ADARB1: variants seen among roughly 807,000 people sequenced by gnomAD.
ADARB1 encodes double-stranded RNA-specific editase 1.
In ADARB1, 10 loss-of-function variants were observed where a neutral mutation model predicts 52.4. The observed-to-expected ratio is 0.19, with a 90% CI of 0.12 to 0.32. The LOEUF is 0.32. Ranked by LOEUF, ADARB1 falls within the 10% of genes least tolerant of loss-of-function variation. ADARB1 has a pLI of 1.00. For missense variants in ADARB1, 643 were observed against 922.3 expected (o/e 0.70, Z 3.92); for synonymous variants, 349 against 371.1 (o/e 0.94, Z 0.68).
intron 8 of ADARB1, among the ~76,000 whole-genome samples, chr21:45,186,823 C>T (rs970523778): frequency 6.6e-6 from 1 of 152,180 alleles, no homozygotes; most frequent in Non-Finnish European, 1.5e-5. Context: ...GTCTTGCACT[C>T]TGTTGAAGAT....
At chr21:45,110,026 T>C (rs554227144) in intron 1 of ADARB1, among the ~76,000 whole-genome samples, 5 of 152,204 alleles carry the variant, frequency 3.3e-5, no homozygotes, top group Non-Finnish European at 7.3e-5. Flanking sequence ...CAGTCCTCGC[T>C]CTGAAAAATT....
At chr21:45,207,338 C>T (rs1229417627) in intron 9 of ADARB1, among the ~76,000 whole-genome samples, 2 of 152,154 alleles carry the variant, frequency 1.3e-5, no homozygotes, top group Non-Finnish European at 2.9e-5. Flanking sequence ...GAGAAGACAC[C>T]TTTAGACGAG....
At chr21:45,100,761 A>T (rs1013848928) in intron 1 of ADARB1, 1 of 152,528 alleles carries the variant, frequency 6.6e-6, no homozygotes, top group East Asian at 1.9e-4. Context: ...TCTGTTGCTC[A>T]ATGGGGCAGG....
chr21:45,124,164 T>G (rs988842483), intron 1 of ADARB1, among the ~76,000 whole-genome samples: 2 of 152,216 alleles, frequency 1.3e-5, no homozygotes, highest in African/African-American at 4.8e-5. Flanking sequence ...TTGGATTGAG[T>G]GTGATCACAT....
At chr21:45,162,462 C>T (rs541270860) in intron 2 of ADARB1, among the ~76,000 whole-genome samples, 21 of 152,266 alleles carry the variant, frequency 1.4e-4, no homozygotes, top group Middle Eastern at 3.4e-3. Context: ...GTGAGCCGAG[C>T]GCAGCCTGCC....
intron 1 of ADARB1, among the ~76,000 whole-genome samples, chr21:45,093,265 C>T (rs1011290311): frequency 1.3e-5 from 2 of 152,206 alleles, no homozygotes; most frequent in African/African-American, 2.4e-5. Context: ...GTTCCCAGGG[C>T]AGCCTCGGGT....
Position 45,128,342 on chromosome 21 carries a change from A to G in ADARB1, c.-219-60A>G, listed in dbSNP as rs1455791959. 6.6e-6 allele frequency: 1 copy of G among 152,272 alleles called. No homozygotes were observed. The highest frequency in any genetic ancestry group is 1.9e-4 in the East Asian group (1 of 5,204). The allele number at this position is 152,272 out of a possible 1,614,324, so 9.4% of individuals were successfully genotyped here. A position where few individuals can be genotyped will look rare whatever the true frequency, so the allele number is the denominator to read the frequency against. On this transcript the variant is annotated intron_variant, in intron 1 of 10. Coordinates refer to ENST00000348831, the MANE Select transcript of ADARB1 (RefSeq NM_001112.4). The surrounding 1 kb of genome is among the most constrained non-coding windows in gnomAD (Gnocchi z 4.6). Reference sequence around the variant, plus strand: ...TATAGAGTTCACTTCTGAAATGGTGACAAAGCTTTTGATACTGAATCAAAC... The same window carrying G: ...TATAGAGTTCACTTCTGAAATGGTGGCAAAGCTTTTGATACTGAATCAAAC...
In ADARB1 at chr21:45,225,862, G is replaced by A. The variant is rs1009845963; in HGVS notation, c.*3665G>A. ...GTTCCGTGTGTGTCCAGTTTACAGCGTCTCTGCCCCCTAGCGTGTTTTGTG... is the reference window on the plus strand; with the variant it reads ...GTTCCGTGTGTGTCCAGTTTACAGCATCTCTGCCCCCTAGCGTGTTTTGTG... On this transcript the variant is annotated 3_prime_UTR_variant, in exon 11 of 11. Transcript: ENST00000348831. 9.4e-6 allele frequency: 3 copies of A among 319,270 alleles called. No homozygotes were observed. The highest frequency in any genetic ancestry group is 4.3e-5 in the African/African-American group (2 of 46,884). 19.8% of individuals were successfully genotyped at this position (319,270 alleles called of 1,614,324 possible).
chr21:45,092,438 A>G (rs1394130850), intron 1 of ADARB1, among the ~76,000 whole-genome samples: 1 of 152,202 alleles, frequency 6.6e-6, no homozygotes, highest in Non-Finnish European at 1.5e-5. Context: ...AATATCTGTT[A>G]TCTATTTTTT....
At chr21:45,129,156 G>C (rs1440007739) in intron 2 of ADARB1, among the ~76,000 whole-genome samples, 1 of 151,976 alleles carries the variant, frequency 6.6e-6, no homozygotes, top group African/African-American at 2.4e-5. Flanking sequence ...TTGAACCCGG[G>C]AGGCAGAGGC....
Position 45,222,918 on chromosome 21 carries a change from GCCT to G in ADARB1, c.*726_*728del, listed in dbSNP as rs1317315262. On this transcript the variant is annotated 3_prime_UTR_variant, in exon 11 of 11. Coordinates refer to ENST00000348831, the MANE Select transcript of ADARB1 (RefSeq NM_001112.4). ...GTGACCCAGGCCCCTGTAGCCCTCA[GCCT>G]CCTCTAGAAGCTTCTGTACTCCTTG... 4.1e-6 allele frequency: 4 copies of G among 985,360 alleles called. No individual in the cohort carries two copies. The African/African-American group carries it at 7.0e-5, about 17-fold the overall frequency. The allele number at this position is 985,360 out of a possible 1,614,324, so 61.0% of individuals were successfully genotyped here.
In ADARB1 at chr21:45,223,020, A is replaced by G; in HGVS notation, c.*823A>G. ...CAGATAATACATGGCCAGTAATCCC[A>G]GGCTGGCCATTCATTCAGGTTTTTT... On this transcript the variant is annotated 3_prime_UTR_variant, in exon 11 of 11. Coordinates refer to ENST00000348831, the MANE Select transcript of ADARB1 (RefSeq NM_001112.4). The G allele has an allele frequency of 1.0e-6, 1 of 985,468 alleles. No individual in the cohort carries two copies. Among genetic ancestry groups the G allele is most frequent in the South Asian group, 4.7e-5 (1 of 21,292 alleles). The allele number at this position is 985,468 out of a possible 1,614,324, so 61.0% of individuals were successfully genotyped here. A position where few individuals can be genotyped will look rare whatever the true frequency, so the allele number is the denominator to read the frequency against.
chr21:45,222,641 T>C lies in ADARB1; in HGVS notation c.*444T>C. On this transcript the variant is annotated 3_prime_UTR_variant, in exon 11 of 11. Coordinates refer to ENST00000348831, the MANE Select transcript of ADARB1 (RefSeq NM_001112.4). ...TGTGTCAGGTCACTTTTATGCCACATTATTTTAATTGCAAAAAAGCATCTA... is the reference window on the plus strand; with the variant it reads ...TGTGTCAGGTCACTTTTATGCCACACTATTTTAATTGCAAAAAAGCATCTA... 3 of 991,152 alleles carry C rather than the reference T, an allele frequency of 3.0e-6. No homozygotes were observed. Among genetic ancestry groups the C allele is most frequent in the Non-Finnish European group, 3.6e-6 (3 of 833,986 alleles). 61.4% of individuals were successfully genotyped at this position (991,152 alleles called of 1,614,324 possible). A position where few individuals can be genotyped will look rare whatever the true frequency, so the allele number is the denominator to read the frequency against.
intron 1 of ADARB1, chr21:45,120,734 G>A (rs970421676): frequency 1.3e-5 from 2 of 152,190 alleles, no homozygotes; most frequent in Non-Finnish European, 2.9e-5. Context: ...CATTATTGGC[G>A]ACAATGTTTG....
chr21:45,124,698 A>T (rs1430369621), intron 1 of ADARB1, among the ~76,000 whole-genome samples: 1 of 150,040 alleles, frequency 6.7e-6, no homozygotes, highest in Non-Finnish European at 1.5e-5. Flanking sequence ...TAATGTTTGT[A>T]GTTTTGTCAG....
intron 2 of ADARB1, among the ~76,000 whole-genome samples, chr21:45,156,542 T>C (rs1301508389): frequency 0.04 from 3,727 of 92,522 alleles, 190 homozygotes; most frequent in Admixed American, 0.11. Flanking sequence ...TCACCCATCA[T>C]CCATTCATCC....
chr21:45,086,375 C>T (rs1166296881), intron 1 of ADARB1, among the ~76,000 whole-genome samples: 1 of 152,200 alleles, frequency 6.6e-6, no homozygotes, highest in Non-Finnish European at 1.5e-5. Flanking sequence ...TGCACCCTCT[C>T]TAAGAGGACA....
At chr21:45,152,705 A>G (rs1202159935) in intron 2 of ADARB1, 3 of 438,362 alleles carry the variant, frequency 6.8e-6, no homozygotes, top group Non-Finnish European at 1.4e-5. Flanking sequence ...CTCTGAGAGG[A>G]AAGGTAATTC....
At chr21:45,212,476 G>A (rs998896867) in intron 9 of ADARB1, among the ~76,000 whole-genome samples, 19 of 152,224 alleles carry the variant, frequency 1.2e-4, no homozygotes, top group South Asian at 1.0e-3. Flanking sequence ...AAACCTGAGC[G>A]TGTGGTAAAA....
Sources: allele counts gnomAD v4.1 joint callset (sites outside exome capture counted in the v4.1 genomes callset), GRCh38; gene constraint gnomAD v4.1.1; non-coding constraint Gnocchi (gnomAD v3.1); transcripts MANE v1.5; gene names NCBI Gene and HGNC (gene_info 2026-07-23, HGNC 2026-07-21).